NBEAL1: variants seen among roughly 807,000 people sequenced by gnomAD.
NBEAL1 encodes the protein neurobeachin like 1, also known as neurobeachin-like protein 1.
A neutral mutation model predicts 351.3 loss-of-function variants in NBEAL1; 273 were observed. The observed-to-expected ratio is 0.78, with a 90% CI of 0.70 to 0.86. The LOEUF (loss-of-function observed/expected upper bound fraction) is 0.86. Ranked by LOEUF, NBEAL1 falls within the 40% of genes least tolerant of loss-of-function variation. The probability of loss-of-function intolerance (pLI) is 0.00; values close to 1 mark genes in which losing one functional copy is unlikely to be tolerated. For missense variants in NBEAL1, 2,961 were observed against 3,201.3 expected, an observed-to-expected ratio of 0.92 and a Z score of 1.81; for synonymous variants, 1,050 against 1,086.4, an observed-to-expected ratio of 0.97 and a Z score of 0.66.
intron 31 of NBEAL1, among the ~76,000 whole-genome samples, chr2:203,143,674 C>T (rs1354555453): frequency 2.0e-5 from 3 of 152,202 alleles, no homozygotes; most frequent in African/African-American, 7.2e-5. Flanking sequence ...GTGCTTTTTC[C>T]TACAGCCATT....
In NBEAL1 at chr2:203,207,104, G is replaced by A. The variant is rs1191769158; in HGVS notation, c.7507-1533G>A. ...CGGGATGTGAGGAGCGTCTCTGCCC[G>A]GCCGCCCCGTCTGAGAAGTGAGGAG... On this transcript the variant is annotated intron_variant, in intron 51 of 55. Transcript: ENST00000683969. 3.2e-3 allele frequency among the ~76,000 whole-genome samples: 470 copies of A among 148,134 alleles called. 5 individuals are homozygous for A. The highest frequency in any genetic ancestry group is 0.011 in the African/African-American group (452 of 40,974).
chr2:203,084,758 G>C (rs1319218230), intron 10 of NBEAL1, 189 bp downstream of exon 10: 1 of 399,616 alleles, frequency 2.5e-6, no homozygotes, highest in South Asian at 5.8e-5. Flanking sequence ...ATACTTTAAA[G>C]GTAGTCAAAC....
At chr2:203,098,714 T>TCC (rs2062239683) in intron 11 of NBEAL1, among the ~76,000 whole-genome samples, 2 of 152,156 alleles carry the variant, frequency 1.3e-5, no homozygotes, top group Non-Finnish European at 2.9e-5. Flanking sequence ...ACTTTTAGGA[T>TCC]TAAAAGTTGC....
intron 55 of NBEAL1, 84 bp from the exon 56 acceptor site, chr2:203,217,169 C>T: frequency 9.8e-7 from 1 of 1,017,908 alleles, no homozygotes; most frequent in Middle Eastern, 2.9e-4. Context: ...TTTCTTTTCA[C>T]TCTGCAAAAT....
chr2:203,196,933 C>G (rs926524198), intron 47 of NBEAL1, among the ~76,000 whole-genome samples: 1 of 152,076 alleles, frequency 6.6e-6, no homozygotes, highest in African/African-American at 2.4e-5. Context: ...GACCAATTTT[C>G]TCATTTGACT....
intron 46 of NBEAL1, chr2:203,190,640 C>CA: frequency 4.8e-6 from 2 of 420,006 alleles, no homozygotes; most frequent in East Asian, 7.2e-5. Flanking sequence ...AACATCTGCC[C>CA]AAAAAGGCAC....
intron 2 of NBEAL1, among the ~76,000 whole-genome samples, chr2:203,032,822 G>C (rs988100281): frequency 6.7e-6 from 1 of 149,164 alleles, no homozygotes; most frequent in Non-Finnish European, 1.5e-5. Flanking sequence ...ACACCACCAC[G>C]CCTGGCTAGT....
intron 17 of NBEAL1, among the ~76,000 whole-genome samples, chr2:203,115,536 A>G (rs1160480936): frequency 6.6e-6 from 1 of 152,056 alleles, no homozygotes; most frequent in Non-Finnish European, 1.5e-5. Flanking sequence ...CCCAGGCTTG[A>G]GTGATCTCTC....
intron 31 of NBEAL1, among the ~76,000 whole-genome samples, chr2:203,141,525 G>C (rs1490454337): frequency 6.6e-6 from 1 of 150,834 alleles, no homozygotes; most frequent in East Asian, 1.9e-4. Context: ...TGGGGCTACA[G>C]GCGTGTGCCA....
At chr2:203,058,725 G>T (rs769351089) in intron 6 of NBEAL1, among the ~76,000 whole-genome samples, 2 of 152,216 alleles carry the variant, frequency 1.3e-5, no homozygotes, top group African/African-American at 4.8e-5. Context: ...TTTCTTCCAC[G>T]CTTCATCTGG....
rs184408645 is a variant in NBEAL1 at position 203,221,046 on chromosome 2, G to C, written c.*3692G>C. Among the ~76,000 whole-genome samples the C allele has an allele frequency of 6.6e-6, 1 of 152,122 alleles. No individual in the cohort carries two copies. Among genetic ancestry groups the C allele is most frequent in the African/African-American group, 2.4e-5 (1 of 41,516 alleles). On this transcript the variant is annotated 3_prime_UTR_variant, in exon 56 of 56. Coordinates refer to ENST00000683969, the MANE Select transcript of NBEAL1 (RefSeq NM_001378026.1). The stretch of plus-strand genomic sequence containing the variant: ...TACTTGTATTGAAAATCAAGTTTAT[G>C]CTTCTGAAAAGAATAAGTGGGCTCT...
intron 4 of NBEAL1, among the ~76,000 whole-genome samples, chr2:203,051,069 A>G (rs2061316507): frequency 6.6e-6 from 1 of 152,192 alleles, no homozygotes; most frequent in Non-Finnish European, 1.5e-5. Flanking sequence ...GACTTAATTT[A>G]CCTCTTAGTC....
At chr2:203,037,371 A>T (rs1281221637) in intron 2 of NBEAL1, among the ~76,000 whole-genome samples, 3 of 149,310 alleles carry the variant, frequency 2.0e-5, no homozygotes. Context: ...GAGGAGGCAA[A>T]GGAAAAGAAT....
intron 6 of NBEAL1, among the ~76,000 whole-genome samples, chr2:203,059,771 C>T (rs2061466424): frequency 6.6e-6 from 1 of 152,214 alleles, no homozygotes; most frequent in African/African-American, 2.4e-5. Flanking sequence ...GTTGTCCCAG[C>T]TACTGGGGAT....
intron 3 of NBEAL1, among the ~76,000 whole-genome samples, 199 bp downstream of exon 3, chr2:203,042,055 G>A (rs2061150658): frequency 6.6e-6 from 1 of 152,142 alleles, no homozygotes; most frequent in African/African-American, 2.4e-5. Flanking sequence ...AGAAAACTCT[G>A]CTTCTCTAGG....
intron 27 of NBEAL1, among the ~76,000 whole-genome samples, chr2:203,135,176 A>C (rs982796400): frequency 1.3e-5 from 2 of 152,114 alleles, no homozygotes; most frequent in African/African-American, 2.4e-5. Context: ...TCTCAAAAAA[A>C]AAAAAAAAAC....
At chr2:203,211,927 A>G (rs2065798996) in intron 54 of NBEAL1, among the ~76,000 whole-genome samples, 1 of 151,994 alleles carries the variant, frequency 6.6e-6, no homozygotes, top group Non-Finnish European at 1.5e-5. Flanking sequence ...TTGCTCTGTC[A>G]CCCAGGCTGG....
rs181765781 is a variant in NBEAL1 at position 203,066,836 on chromosome 2, G to A, written c.516-1557G>A. Among the ~76,000 whole-genome samples the A allele has an allele frequency of 3.1e-3, 435 of 138,812 alleles. 7 individuals are homozygous for A. The highest frequency in any genetic ancestry group is 0.011 in the African/African-American group (385 of 36,492). The allele number at this position is 138,812 out of a possible 152,430, so 91.1% of individuals were successfully genotyped here. A position where few individuals can be genotyped will look rare whatever the true frequency, so the allele number is the denominator to read the frequency against. Reference sequence around the variant, plus strand: ...GAAGGGGTGGTTGCCGGGCAGAGGCGCTCCTCACATCCCAGATGATGGGCG... The same window carrying A: ...GAAGGGGTGGTTGCCGGGCAGAGGCACTCCTCACATCCCAGATGATGGGCG... On this transcript the variant is annotated intron_variant, in intron 6 of 55. Coordinates refer to ENST00000683969, the MANE Select transcript of NBEAL1 (RefSeq NM_001378026.1).
intron 55 of NBEAL1, among the ~76,000 whole-genome samples, chr2:203,215,319 T>G (rs2065878483): frequency 6.6e-6 from 1 of 152,066 alleles, no homozygotes; most frequent in Non-Finnish European, 1.5e-5. Context: ...GCCAACATGG[T>G]GAAACCTCGT....
Sources: gnomAD v4.1 joint callset for allele counts (sites outside exome capture counted in the v4.1 genomes callset) on GRCh38, gnomAD v4.1.1 for gene constraint, MANE v1.5 for transcripts, NCBI Gene and HGNC (gene_info 2026-07-23, HGNC 2026-07-21) for gene names.